Variants in PAFAH2 observed in about 807,000 individuals in gnomAD.
The protein encoded by PAFAH2 is platelet-activating factor acetylhydrolase 2, cytoplasmic.
A neutral mutation model predicts 49.0 loss-of-function variants in PAFAH2; 42 were observed. The observed-to-expected ratio is 0.86, with a 90% CI of 0.67 to 1.11. The LOEUF (loss-of-function observed/expected upper bound fraction) is 1.11. PAFAH2 is among the 50% of genes least tolerant of loss of function. PAFAH2 has a pLI of 0.00. For synonymous variants in PAFAH2, 184 were observed against 181.3 expected, an observed-to-expected ratio of 1.01 and a Z score of -0.12; for missense variants, 503 against 501.8, an observed-to-expected ratio of 1.00 and a Z score of -0.02.
intron 10 of PAFAH2, chr1:25,964,300 T>A (rs1013808450): frequency 1.3e-5 from 2 of 152,300 alleles, no homozygotes; most frequent in Non-Finnish European, 2.9e-5. Context: ...TCCATATTTT[T>A]AAAGAGAAAT....
chr1:25,964,020 A>T (rs1355718659), intron 10 of PAFAH2, among the ~76,000 whole-genome samples: 2 of 152,150 alleles, frequency 1.3e-5, no homozygotes, highest in East Asian at 1.9e-4. Flanking sequence ...ACAGCAGGGG[A>T]GGAGGCCAGG....
Position 25,988,344 on chromosome 1 carries a change from C to T in PAFAH2, c.245-17G>A. 6.3e-7 allele frequency: 1 copy of T among 1,593,092 alleles called. No individual in the cohort carries two copies. Among genetic ancestry groups the T allele is most frequent in the Non-Finnish European group, 8.6e-7 (1 of 1,162,956 alleles). On this transcript the variant is annotated splice_polypyrimidine_tract_variant and intron_variant, in intron 3 of 10. Coordinates refer to ENST00000374282, the MANE Select transcript of PAFAH2 (RefSeq NM_000437.4). ...GACAAGATCCTAGCAGAGACATGGG[C>T]TATAGAATATCTGGCTGCCCCAAAG...
chr1:25,988,107 A>T (rs2049810776), intron 4 of PAFAH2, 124 bp downstream of exon 4: 4 of 652,296 alleles, frequency 6.1e-6, no homozygotes, highest in Non-Finnish European at 2.7e-6. Context: ...GGGACGAAGC[A>T]GATGGGAGAT....
At chr1:25,979,405 T>A (rs1029663973) in intron 7 of PAFAH2, among the ~76,000 whole-genome samples, 1 of 150,654 alleles carries the variant, frequency 6.6e-6, no homozygotes, top group African/African-American at 2.4e-5. Context: ...AACCTCCACC[T>A]CCTAGGCTCA....
chr1:25,961,996 C>T lies in PAFAH2; in HGVS notation c.1172G>A (p.Ser391Asn). 6.2e-7 allele frequency: 1 copy of T among 1,613,558 alleles called. No homozygotes were observed. The highest frequency in any genetic ancestry group is 8.5e-7 in the Non-Finnish European group (1 of 1,179,728). ...ACAAATGGCCAGTTGTGCCTACAGG[C>T]TGGACAGATGGTGGGGGGCCCCTGG... ...LTPGAPHHLSSL is the reference protein window; with the variant it reads ...LTPGAPHHLSNL The change falls in exon 11 of 11, where the codon AGC (serine) becomes AAC (asparagine). Residue 391 changes from serine to asparagine, a missense_variant. Coordinates refer to ENST00000374282, the MANE Select transcript of PAFAH2 (RefSeq NM_000437.4).
At chr1:25,992,285 G>T (rs2049886522) in intron 1 of PAFAH2, among the ~76,000 whole-genome samples, 1 of 152,288 alleles carries the variant, frequency 6.6e-6, no homozygotes, top group East Asian at 1.9e-4. Flanking sequence ...AGATGAGGAA[G>T]TTGAGAGGCA....
rs984490791 is a variant in PAFAH2, at chr1:25,982,586, C to T, written c.553-109G>A. ...AATGCACAGATAGTCTACCCACCCA[C>T]GCCTCAGCAAGCACCTTGGGTGCCA... On this transcript the variant is annotated intron_variant, in intron 6 of 10. Coordinates refer to ENST00000374282, the MANE Select transcript of PAFAH2 (RefSeq NM_000437.4). The T allele has an allele frequency of 2.6e-5, 21 of 800,594 alleles. No individual in the cohort carries two copies. In the Middle Eastern group the frequency reaches 1.1e-3, roughly 41 times the overall value. The allele number at this position is 800,594 out of a possible 1,614,324, so 49.6% of individuals were successfully genotyped here. A position where few individuals can be genotyped will look rare whatever the true frequency, so the allele number is the denominator to read the frequency against.
At position 25,961,822 on chromosome 1, in the gene PAFAH2, A is replaced by T. The variant is rs1466794071; in HGVS notation, c.*167T>A. On this transcript the variant is annotated 3_prime_UTR_variant, in exon 11 of 11. Coordinates refer to ENST00000374282, the MANE Select transcript of PAFAH2 (RefSeq NM_000437.4). ...CCAGTCCCAAAGTGATTTTAAGATC[A>T]AATCTAAGATCAAAGTACCCAGTTA... The T allele has an allele frequency of 1.8e-6, 1 of 556,432 alleles. No individual in the cohort carries two copies. Among genetic ancestry groups the T allele is most frequent in the African/African-American group, 1.9e-5 (1 of 52,712 alleles). The allele number at this position is 556,432 out of a possible 1,614,324, so 34.5% of individuals were successfully genotyped here.
intron 10 of PAFAH2, 122 bp downstream of exon 10, chr1:25,972,436 T>C: frequency 9.0e-7 from 1 of 1,111,376 alleles, no homozygotes; most frequent in Non-Finnish European, 1.3e-6. Flanking sequence ...TCTCCTTCAC[T>C]CAGGTTTTCC....
intron 6 of PAFAH2, 34 bp from the exon 7 acceptor site, chr1:25,982,511 A>T: frequency 3.4e-6 from 5 of 1,457,762 alleles, no homozygotes; most frequent in Non-Finnish European, 4.8e-6. Context: ...GGACTGGAAC[A>T]CTCCACAACT....
intron 9 of PAFAH2, among the ~76,000 whole-genome samples, chr1:25,973,689 T>C (rs2049543409): frequency 6.6e-6 from 1 of 152,182 alleles, no homozygotes; most frequent in South Asian, 2.1e-4. Flanking sequence ...CTGGCCATAC[T>C]GCCGGCCCCA....
In PAFAH2 at chr1:25,989,422, C is replaced by A. The variant is rs201816259; in HGVS notation, c.244+26G>T. On this transcript the variant is annotated intron_variant, in intron 3 of 10. Coordinates refer to ENST00000374282, the MANE Select transcript of PAFAH2 (RefSeq NM_000437.4). ...GAACATAACCAAGCAACTGGGAAAG[C>A]ATGCAGAGGTCAGGCCAGCCCTTAC... 18 of 1,537,918 alleles carry A rather than the reference C, an allele frequency of 1.2e-5. No homozygotes were observed. The East Asian group carries it at 4.2e-4, about 36-fold the overall frequency.
At chr1:25,972,738 A>C in intron 9 of PAFAH2, 26 bp from the exon 10 acceptor site, 6 of 1,613,762 alleles carry the variant, frequency 3.7e-6, no homozygotes, top group Non-Finnish European at 5.1e-6. Context: ...AACAACTGGC[A>C]GGGGTCTGGC....
Position 25,976,767 on chromosome 1 carries a change from T to C in PAFAH2, c.673A>G (p.Ile225Val). 1 of 1,613,872 alleles carries C rather than the reference T, an allele frequency of 6.2e-7. No homozygotes were observed. Among genetic ancestry groups the C allele is most frequent in the Middle Eastern group, 1.6e-4 (1 of 6,062 alleles). Residue 225 changes from isoleucine (I) to valine (V), a missense_variant, in exon 8 of 11, where the codon ATT becomes GTT. Ile to Val is a conservative substitution (Grantham distance 29). Coordinates refer to ENST00000374282, the MANE Select transcript of PAFAH2 (RefSeq NM_000437.4). ...ATCACAGCCACACGGCTCATGTCAATGTTGCCCTGAGGAAAGTGGAGAACT... is the reference window on the plus strand; with the variant it reads ...ATCACAGCCACACGGCTCATGTCAACGTTGCCCTGAGGAAAGTGGAGAACT... ...GLDLMTLKGN[I>V]DMSRVAVMGH...
In PAFAH2 at chr1:25,989,584, G is replaced by C; in HGVS notation, c.108C>G (p.Leu36=). The change falls in exon 3 of 11, where the codon CTC becomes CTG. Residue 36 remains leucine, a synonymous_variant. Coordinates refer to ENST00000374282, the MANE Select transcript of PAFAH2 (RefSeq NM_000437.4). The stretch of plus-strand genomic sequence containing the variant: ...CCTCTGCCTTTTGGCAGGGGTAGAA[G>C]AGTCGAAAGAAGCTCCCCTGTAGGA... ...GQNLQGSFFR[L]FYPCQKAEET... The C allele has an allele frequency of 1.3e-6, 2 of 1,590,902 alleles. No homozygotes were observed. The highest frequency in any genetic ancestry group is 2.3e-5 in the South Asian group (2 of 87,880).
chr1:25,969,431 G>A (rs993382369), intron 10 of PAFAH2, among the ~76,000 whole-genome samples: 2 of 152,190 alleles, frequency 1.3e-5, no homozygotes, highest in Non-Finnish European at 2.9e-5. Flanking sequence ...CAGAGTCACC[G>A]CCAGCATAGT....
intron 7 of PAFAH2, among the ~76,000 whole-genome samples, chr1:25,982,091 T>C (rs1333068605): frequency 6.6e-6 from 1 of 151,244 alleles, no homozygotes; most frequent in Non-Finnish European, 1.5e-5. Context: ...AGCGACCACC[T>C]TTCTTGCCTA....
chr1:25,982,438 T>C lies in PAFAH2; in HGVS notation c.592A>G (p.Ile198Val). 2.5e-6 allele frequency: 4 copies of C among 1,614,092 alleles called. No homozygotes were observed. Among genetic ancestry groups the C allele is most frequent in the Non-Finnish European group, 3.4e-6 (4 of 1,180,012 alleles). The change falls in exon 7 of 11, where the codon ATC becomes GTC. Residue 198 changes from isoleucine to valine, a missense_variant. Ile to Val is a conservative substitution (Grantham distance 29). Coordinates refer to ENST00000374282, the MANE Select transcript of PAFAH2 (RefSeq NM_000437.4). ...RVSECLRVLK[I>V]LQEVTAGQTV... ...TGCCCAGCAGTGACCTCTTGCAGGA[T>C]CTTCAACACCCGTAAACACTCGCTT... is the stretch of plus-strand genomic sequence containing the variant.
At chr1:25,980,317 G>A (rs1232373539) in intron 7 of PAFAH2, among the ~76,000 whole-genome samples, 6 of 151,958 alleles carry the variant, frequency 3.9e-5, no homozygotes, top group Non-Finnish European at 7.4e-5. Context: ...AGCAGTAATC[G>A]TAAATATATA....
Sources: allele counts gnomAD v4.1 joint callset (sites outside exome capture counted in the v4.1 genomes callset), GRCh38; gene constraint gnomAD v4.1.1; transcripts MANE v1.5; gene names NCBI Gene and HGNC (gene_info 2026-07-23, HGNC 2026-07-21).